Variants in GARIN5A observed in about 807,000 individuals in gnomAD.
GARIN5A encodes Golgi-associated RAB2 interactor protein 5A.
the GARIN5A span, among the ~76,000 whole-genome samples, chr19:50,471,709 T>TGTGTGTATACGCATACATGCAC: frequency 4.8e-5 from 7 of 144,392 alleles, no homozygotes; most frequent in Non-Finnish European, 8.9e-5. Flanking sequence ...TACATGCACG[T>TGTGTGTATACGCATACATGCAC]GTGTGTATAC....
chr19:50,472,227 T>C, the GARIN5A span, among the ~76,000 whole-genome samples: 2 of 77,888 alleles, frequency 2.6e-5, no homozygotes, highest in Non-Finnish European at 5.1e-5. Flanking sequence ...TATGTATATA[T>C]ACATGTATGT....
chr19:50,471,765 CATACAT>C, the GARIN5A span, among the ~76,000 whole-genome samples: 9 of 131,962 alleles, frequency 6.8e-5, no homozygotes, highest in South Asian at 2.3e-4. Flanking sequence ...TGTGTATACG[CATACAT>C]ACCTGTGTGT....
At chr19:50,467,823 G>A in the GARIN5A span, 1 of 1,613,018 alleles carries the variant, frequency 6.2e-7, no homozygotes, top group South Asian at 1.1e-5. Context: ...ACTTCAAGGG[G>A]AACAGCCTGG....
At chr19:50,472,717 A>G in the GARIN5A span, among the ~76,000 whole-genome samples, 11 of 152,116 alleles carry the variant, frequency 7.2e-5, no homozygotes, top group Non-Finnish European at 1.6e-4. Context: ...CAGCATGGTG[A>G]GACCTGTCTC....
the GARIN5A span, among the ~76,000 whole-genome samples, chr19:50,471,691 T>C: frequency 2.7e-5 from 4 of 147,100 alleles, no homozygotes; most frequent in African/African-American, 5.4e-5. Flanking sequence ...CACGTGTGTG[T>C]ATACGCATAC....
At chr19:50,472,322 T>A in the GARIN5A span, among the ~76,000 whole-genome samples, 1 of 150,898 alleles carries the variant, frequency 6.6e-6, no homozygotes, top group Non-Finnish European at 1.5e-5. Context: ...TATGTGTGTA[T>A]ATATATATCT....
the GARIN5A span, among the ~76,000 whole-genome samples, chr19:50,472,763 G>A: frequency 2.6e-5 from 4 of 152,206 alleles, 1 homozygote; most frequent in Admixed American, 1.3e-4. Context: ...GGTGTGGGTG[G>A]TGCACACCTG....
chr19:50,467,350 T>C, the GARIN5A span, among the ~76,000 whole-genome samples: 155 of 151,960 alleles, frequency 1.0e-3, no homozygotes, highest in East Asian at 0.029. Context: ...CAGACCCCCA[T>C]ATCCCTGGGT....
chr19:50,473,073 C>T, the GARIN5A span, among the ~76,000 whole-genome samples: 2 of 152,140 alleles, frequency 1.3e-5, no homozygotes, highest in African/African-American at 4.8e-5. Context: ...TCTCAGGGTA[C>T]TGTACTGGTG....
chr19:50,467,665 C>A, the GARIN5A span: 1 of 1,581,016 alleles, frequency 6.3e-7, no homozygotes, highest in Non-Finnish European at 8.6e-7. Context: ...AGAGAGGAAG[C>A]GCAGGCGGTA....
At chr19:50,476,222 A>T in the GARIN5A span, 1 of 1,613,620 alleles carries the variant, frequency 6.2e-7, no homozygotes, top group Non-Finnish European at 8.5e-7. Flanking sequence ...GTCCGACGGG[A>T]GCGGACGGAG....
chr19:50,470,649 C>A, the GARIN5A span, among the ~76,000 whole-genome samples: 1 of 146,298 alleles, frequency 6.8e-6, no homozygotes, highest in South Asian at 2.2e-4. Context: ...TGGCTTGTGG[C>A]TACTGCTGTT....
chr19:50,475,425 C>T, the GARIN5A span: 5 of 1,609,378 alleles, frequency 3.1e-6, no homozygotes, highest in Non-Finnish European at 4.2e-6. Context: ...CCCATGGTGA[C>T]CTCGTTGGCA....
chr19:50,476,804 G>A, the GARIN5A span: 1 of 572,800 alleles, frequency 1.7e-6, no homozygotes, highest in Non-Finnish European at 3.0e-6. Flanking sequence ...CCTCAGTCAC[G>A]CACGCGCAGG....
the GARIN5A span, chr19:50,467,755 G>C: frequency 6.2e-7 from 1 of 1,610,800 alleles, no homozygotes; most frequent in Non-Finnish European, 8.5e-7. Context: ...GGTGCGGCTG[G>C]TGTTCAACTT....
At chr19:50,468,922 C>T in the GARIN5A span, among the ~76,000 whole-genome samples, 15 of 152,256 alleles carry the variant, frequency 9.9e-5, no homozygotes, top group East Asian at 9.6e-4. Context: ...AATGTATCCA[C>T]AATCCAAACT....
At chr19:50,467,532 A>G in the GARIN5A span, 89 of 1,449,038 alleles carry the variant, frequency 6.1e-5, no homozygotes, top group Middle Eastern at 5.2e-4. Flanking sequence ...CTGCTGCCCC[A>G]CTGCGCTTCC....
the GARIN5A span, chr19:50,475,935 T>C: frequency 6.2e-7 from 1 of 1,612,920 alleles, no homozygotes; most frequent in Non-Finnish European, 8.5e-7. Context: ...TGGGAGAGGC[T>C]GCAACCAGGA....
chr19:50,467,650 G>A, the GARIN5A span: 1 of 1,575,074 alleles, frequency 6.3e-7, no homozygotes, highest in Non-Finnish European at 8.6e-7. Flanking sequence ...GGGCACAGCA[G>A]AAGCAGAGAG....
Sources: gnomAD v4.1 joint callset for allele counts (sites outside exome capture counted in the v4.1 genomes callset) on GRCh38, gnomAD v4.1.1 for gene constraint, MANE v1.5 for transcripts, NCBI Gene and HGNC (gene_info 2026-07-23, HGNC 2026-07-21) for gene names.